Variants in GRM7 observed in about 807,000 individuals in gnomAD.
GRM7 encodes metabotropic glutamate receptor 7.
Under a neutral mutation model 84.5 loss-of-function variants are expected in GRM7, and 35 were observed. The ratio of observed to expected loss-of-function variants is 0.41; its 90% confidence interval spans 0.32 to 0.55. The LOEUF (loss-of-function observed/expected upper bound fraction) is 0.55. Among genes scored for constraint, GRM7 ranks in the 20% least tolerant of loss-of-function variants. GRM7 has a pLI of 0.19. For synonymous variants in GRM7, 487 were observed against 455.1 expected, an observed-to-expected ratio of 1.07 and a Z score of -0.89; for missense variants, 1,003 against 1,194.6, an observed-to-expected ratio of 0.84 and a Z score of 2.36.
intron 1 of GRM7, among the ~76,000 whole-genome samples, chr3:7,114,735 A>T (rs527730368): frequency 6.6e-6 from 1 of 152,280 alleles, no homozygotes; most frequent in South Asian, 2.1e-4. Context: ...TACATAGCTA[A>T]TTAGAATAAA....
intron 4 of GRM7, among the ~76,000 whole-genome samples, chr3:7,379,973 C>G (rs902330541): frequency 4.6e-5 from 7 of 152,172 alleles, no homozygotes; most frequent in African/African-American, 1.2e-4. Flanking sequence ...CCTTTATTTT[C>G]CTCTGACAGA....
In GRM7 at chr3:7,534,104, T is replaced by C. The variant is rs61051508; in HGVS notation, c.1516-44318T>C. Among the ~76,000 whole-genome samples, 540 of 149,464 alleles carry C rather than the reference T, an allele frequency of 3.6e-3. 6 individuals are homozygous for C. Among genetic ancestry groups the C allele is most frequent in the African/African-American group, 0.013 (521 of 40,596 alleles). On this transcript the variant is annotated intron_variant, in intron 7 of 9. Transcript: ENST00000357716. ...ATCTTGGCTCACTACAACCTCTGCC[T>C]CCTGGATCAAGTGATTCTCCTGCCT...
At position 7,063,855 on chromosome 3, in the gene GRM7, C is replaced by T. The variant is rs145285035; in HGVS notation, c.520-82597C>T. On this transcript the variant is annotated intron_variant, in intron 1 of 9. Coordinates refer to ENST00000357716, the MANE Select transcript of GRM7 (RefSeq NM_000844.4). ...TCATAAGAACTTATGTATGTAATGT[C>T]CAACAGAAGCTGTCCATAGTGGTTA... Among the ~76,000 whole-genome samples, 14 of 151,734 alleles carry T rather than the reference C, an allele frequency of 9.2e-5. No individual in the cohort carries two copies. In the East Asian group the frequency reaches 2.7e-3, roughly 30 times the overall value.
intron 6 of GRM7, among the ~76,000 whole-genome samples, chr3:7,454,088 ACACTCTCTCT>A (rs1697898278): frequency 1.8e-5 from 2 of 111,682 alleles, no homozygotes; most frequent in African/African-American, 3.9e-5. Context: ...AGCTACACAC[ACACTCTCTCT>A]CTCTCTCTCT....
At chr3:7,314,844 G>A (rs923921769) in intron 4 of GRM7, among the ~76,000 whole-genome samples, 2 of 151,842 alleles carry the variant, frequency 1.3e-5, no homozygotes, top group Non-Finnish European at 2.9e-5. Context: ...TAAAATTTCT[G>A]TTGTCAAATC....
At chr3:7,183,142 C>T (rs1432268950) in intron 2 of GRM7, among the ~76,000 whole-genome samples, 1 of 151,928 alleles carries the variant, frequency 6.6e-6, no homozygotes, top group Admixed American at 6.6e-5. Context: ...CCTAAGTAGG[C>T]ATATTTTTCA....
chr3:6,930,323 C>T (rs1697458290), intron 1 of GRM7, among the ~76,000 whole-genome samples: 2 of 152,064 alleles, frequency 1.3e-5, no homozygotes, highest in Admixed American at 1.3e-4. Flanking sequence ...CATAGACCAT[C>T]CTAAAGTGAA....
intron 6 of GRM7, among the ~76,000 whole-genome samples, chr3:7,460,856 T>C (rs1213932736): frequency 1.3e-5 from 2 of 152,206 alleles, no homozygotes; most frequent in Non-Finnish European, 2.9e-5. Context: ...CAGATATAGA[T>C]ATAGGTATAT....
intron 4 of GRM7, among the ~76,000 whole-genome samples, chr3:7,312,981 T>G (rs9870884): frequency 0.088 from 13,138 of 148,612 alleles, 1,638 homozygotes; most frequent in African/African-American, 0.28. Flanking sequence ...CAGGCTGGAA[T>G]GCAGTGATGT....
intron 9 of GRM7, among the ~76,000 whole-genome samples, chr3:7,737,071 C>A (rs911006411): frequency 1.3e-5 from 2 of 151,908 alleles, no homozygotes; most frequent in Admixed American, 1.3e-4. Flanking sequence ...TACGCGTGTT[C>A]CATAGAATGC....
intron 8 of GRM7, among the ~76,000 whole-genome samples, chr3:7,601,873 C>G (rs73809457): frequency 2.6e-5 from 4 of 151,936 alleles, no homozygotes; most frequent in African/African-American, 9.7e-5. Context: ...CATTCCTTGA[C>G]CAATAGTAGT....
intron 1 of GRM7, among the ~76,000 whole-genome samples, chr3:7,029,493 T>G (rs1398490863): frequency 1.3e-5 from 2 of 152,020 alleles, no homozygotes; most frequent in Non-Finnish European, 2.9e-5. Context: ...ATAGACAAAA[T>G]GTGGTCTATG....
At chr3:7,030,689 T>C (rs1347503209) in intron 1 of GRM7, among the ~76,000 whole-genome samples, 2 of 152,164 alleles carry the variant, frequency 1.3e-5, no homozygotes, top group Admixed American at 1.3e-4. Flanking sequence ...ATGCATTCGT[T>C]TGGTGTCCAT....
chr3:7,050,771 G>T (rs1696967656), intron 1 of GRM7, among the ~76,000 whole-genome samples: 1 of 151,802 alleles, frequency 6.6e-6, no homozygotes, highest in African/African-American at 2.4e-5. Flanking sequence ...GTCAGGATTT[G>T]GAAATGCACA....
At chr3:7,385,511 A>T (rs576619991) in intron 4 of GRM7, among the ~76,000 whole-genome samples, 5 of 151,998 alleles carry the variant, frequency 3.3e-5, no homozygotes, top group African/African-American at 1.2e-4. Context: ...CATGTTATGC[A>T]GGATGGTCTC....
Position 6,861,127 on chromosome 3 carries a change from T to G in GRM7, c.-262T>G. On this transcript the variant is annotated 5_prime_UTR_variant, in exon 1 of 10. Transcript: ENST00000357716. The surrounding 1 kb of genome is among the most constrained non-coding windows in gnomAD (Gnocchi z 6.4). ...CTGCCCTCTCCCCAGTGCTGGGCTGTTGGAGAGAGCGAGCAGCAAGCCGGT... is the reference window on the plus strand; with the variant it reads ...CTGCCCTCTCCCCAGTGCTGGGCTGGTGGAGAGAGCGAGCAGCAAGCCGGT... 5.0e-6 allele frequency: 2 copies of G among 396,910 alleles called. No individual in the cohort carries two copies. Among genetic ancestry groups the G allele is most frequent in the Non-Finnish European group, 8.9e-6 (2 of 225,476 alleles). 24.6% of individuals were successfully genotyped at this position (396,910 alleles called of 1,614,324 possible). A position where few individuals can be genotyped will look rare whatever the true frequency, so the allele number is the denominator to read the frequency against.
At chr3:7,329,678 AC>A (rs1264076737) in intron 4 of GRM7, among the ~76,000 whole-genome samples, 1 of 152,174 alleles carries the variant, frequency 6.6e-6, no homozygotes, top group Non-Finnish European at 1.5e-5. Flanking sequence ...TTAAAAGTAT[AC>A]CTGGTGTGTC....
At chr3:6,937,129 G>T (rs1326473229) in intron 1 of GRM7, among the ~76,000 whole-genome samples, 2 of 152,136 alleles carry the variant, frequency 1.3e-5, no homozygotes, top group Non-Finnish European at 2.9e-5. Context: ...GCAGGAATTC[G>T]AAAAGTCTCT....
intron 1 of GRM7, among the ~76,000 whole-genome samples, chr3:6,907,632 T>C (rs1696627525): frequency 1.3e-5 from 2 of 152,160 alleles, no homozygotes. Flanking sequence ...AGTTTGGCCA[T>C]GATAAAGAGT....
Sources: gnomAD v4.1 joint callset for allele counts (sites outside exome capture counted in the v4.1 genomes callset) on GRCh38, gnomAD v4.1.1 for gene constraint, Gnocchi (gnomAD v3.1) non-coding constraint, MANE v1.5 for transcripts, NCBI Gene and HGNC (gene_info 2026-07-23, HGNC 2026-07-21) for gene names.